Variants in FREM2 observed in about 807,000 individuals in gnomAD.
FREM2 encodes the protein FRAS1-related extracellular matrix protein 2.
In FREM2, 119 loss-of-function variants were observed where a neutral mutation model predicts 219.9. The ratio of observed to expected loss-of-function variants is 0.54; its 90% confidence interval spans 0.47 to 0.63. The LOEUF (loss-of-function observed/expected upper bound fraction) is 0.63, where lower values mean the gene tolerates loss of function less well. Ranked by LOEUF, FREM2 falls within the 30% of genes least tolerant of loss-of-function variation. The pLI, the probability that FREM2 is intolerant of heterozygous loss-of-function variation, is 0.00. For missense variants in FREM2, 4,030 were observed against 3,993.6 expected (o/e 1.01, Z -0.25); for synonymous variants, 1,562 against 1,522.8 (o/e 1.03, Z -0.60).
intron 6 of FREM2, among the ~76,000 whole-genome samples, chr13:38,809,703 A>C (rs903474181): frequency 6.6e-6 from 1 of 151,878 alleles, no homozygotes; most frequent in Non-Finnish European, 1.5e-5. Context: ...GATAGTACCA[A>C]GTTAGTACCA....
intron 4 of FREM2, among the ~76,000 whole-genome samples, chr13:38,776,578 A>G (rs1873876769): frequency 6.6e-6 from 1 of 152,206 alleles, no homozygotes; most frequent in Non-Finnish European, 1.5e-5. Flanking sequence ...ATATAGTCAC[A>G]TGGACTAATA....
intron 2 of FREM2, among the ~76,000 whole-genome samples, chr13:38,742,847 G>A (rs146648587): frequency 6.6e-6 from 1 of 152,262 alleles, no homozygotes; most frequent in African/African-American, 2.4e-5. Context: ...CAACATGTTT[G>A]AATTATTGCA....
At position 38,807,189 on chromosome 13, in the gene FREM2, T is replaced by TTATATATATATATA. The variant is rs59551341; in HGVS notation, c.6019+22407_6019+22420dup. Reference sequence around the variant, plus strand: ...CCTTTTTGCAGAGATCTTGTCTCTGTTATATATATATATATATATATATAT... The same window carrying TTATATATATATATA: ...CCTTTTTGCAGAGATCTTGTCTCTGTTATATATATATATATATATATATATATATATATATATAT... On this transcript the variant is annotated intron_variant, in intron 6 of 23. Transcript: ENST00000280481. Among the ~76,000 whole-genome samples the TTATATATATATATA allele has an allele frequency of 4.5e-3, 203 of 45,252 alleles. 2 individuals are homozygous for TTATATATATATATA. Among genetic ancestry groups the TTATATATATATATA allele is most frequent in the Middle Eastern group, 0.017 (1 of 58 alleles). The allele number at this position is 45,252 out of a possible 152,430, so 29.7% of individuals were successfully genotyped here. A position where few individuals can be genotyped will look rare whatever the true frequency, so the allele number is the denominator to read the frequency against.
chr13:38,808,809 CAA>C (rs1333284570), intron 6 of FREM2, among the ~76,000 whole-genome samples: 13 of 151,938 alleles, frequency 8.6e-5, no homozygotes, highest in African/African-American at 3.1e-4. Flanking sequence ...TGCAGAGAAA[CAA>C]AGTGAGAGCA....
At chr13:38,760,131 T>G (rs1873171088) in intron 2 of FREM2, among the ~76,000 whole-genome samples, 1 of 152,244 alleles carries the variant, frequency 6.6e-6, no homozygotes, top group African/African-American at 2.4e-5. Context: ...GCATATTTTC[T>G]AGTTAAGTAT....
chr13:38,848,071 C>G (rs963104985), intron 7 of FREM2, among the ~76,000 whole-genome samples: 1 of 152,140 alleles, frequency 6.6e-6, no homozygotes, highest in Non-Finnish European at 1.5e-5. Flanking sequence ...TTAATGTTAA[C>G]AAAATTTTAA....
chr13:38,837,911 C>A (rs1396737237), intron 6 of FREM2, among the ~76,000 whole-genome samples: 1 of 152,036 alleles, frequency 6.6e-6, no homozygotes, highest in Non-Finnish European at 1.5e-5. Flanking sequence ...GACTCTTTAT[C>A]CAATTTGCCA....
At position 38,691,180 on chromosome 13, in the gene FREM2, TTAAAC is replaced by T. The variant is rs1260051554; in HGVS notation, c.3840_3844del (p.Lys1280AsnfsTer19). ...GAGACCCAGGAAGACAGTTTTGTGA[TTAAAC>T]TAACAGATGGGAAGCACTCTGTGGA... On this transcript the variant is annotated frameshift_variant, in exon 1 of 24. Transcript: ENST00000280481. LOFTEE classifies it high-confidence loss of function. 1 of 1,613,862 alleles carries T rather than the reference TTAAAC, an allele frequency of 6.2e-7. No homozygotes were observed. Among genetic ancestry groups the T allele is most frequent in the Non-Finnish European group, 8.5e-7 (1 of 1,179,994 alleles).
chr13:38,700,604 A>C (rs985391599), intron 2 of FREM2, among the ~76,000 whole-genome samples: 3 of 150,600 alleles, frequency 2.0e-5, no homozygotes, highest in Non-Finnish European at 4.4e-5. Context: ...AGCAACAAAA[A>C]CAGCAAAAAA....
At chr13:38,734,409 A>G (rs1417829129) in intron 2 of FREM2, among the ~76,000 whole-genome samples, 1 of 152,208 alleles carries the variant, frequency 6.6e-6, no homozygotes, top group Non-Finnish European at 1.5e-5. Flanking sequence ...TACTTTATAT[A>G]TAACTAGTTA....
chr13:38,811,156 T>G (rs1875458772), intron 6 of FREM2, among the ~76,000 whole-genome samples: 1 of 152,072 alleles, frequency 6.6e-6, no homozygotes, highest in Non-Finnish European at 1.5e-5. Context: ...ATATTAGTTG[T>G]AATGCCTCCT....
intron 15 of FREM2, 122 bp from the exon 16 acceptor site, chr13:38,864,153 C>CA: frequency 1.3e-6 from 1 of 769,202 alleles, no homozygotes; most frequent in Non-Finnish European, 2.2e-6. Flanking sequence ...ATCTGTATGC[C>CA]ATACACCACT....
intron 2 of FREM2, among the ~76,000 whole-genome samples, chr13:38,698,244 A>G (rs1870197026): frequency 6.6e-6 from 1 of 152,176 alleles, no homozygotes; most frequent in South Asian, 2.1e-4. Context: ...TGTTGCATTC[A>G]CCAAGAAATC....
chr13:38,721,116 T>G (rs1405062159), intron 2 of FREM2, among the ~76,000 whole-genome samples: 1 of 151,994 alleles, frequency 6.6e-6, no homozygotes, highest in African/African-American at 2.4e-5. Context: ...AGTTTACATA[T>G]GTAACAAACC....
intron 3 of FREM2, among the ~76,000 whole-genome samples, chr13:38,768,596 A>G (rs1873535063): frequency 6.6e-6 from 1 of 152,080 alleles, no homozygotes; most frequent in Admixed American, 6.5e-5. Context: ...CAACTCTTTT[A>G]CATCTGTCTG....
intron 9 of FREM2, 51 bp from the exon 10 acceptor site, chr13:38,850,892 TG>T: frequency 1.9e-6 from 3 of 1,595,712 alleles, no homozygotes; most frequent in Non-Finnish European, 2.6e-6. Context: ...ACATTCTAGT[TG>T]TAGATATATT....
intron 2 of FREM2, among the ~76,000 whole-genome samples, chr13:38,724,320 G>T (rs1477682038): frequency 6.6e-6 from 1 of 152,062 alleles, no homozygotes; most frequent in African/African-American, 2.4e-5. Context: ...TACATTTTAA[G>T]GTAAAATATT....
At chr13:38,747,377 G>A (rs907020275) in intron 2 of FREM2, among the ~76,000 whole-genome samples, 2 of 145,744 alleles carry the variant, frequency 1.4e-5, no homozygotes, top group African/African-American at 2.6e-5. Context: ...TTTCTTGAGG[G>A]CATAAAGCTG....
In FREM2 at chr13:38,691,204, C is replaced by A. The variant is rs760412955; in HGVS notation, c.3860C>A (p.Ser1287Tyr). 3.7e-6 allele frequency: 6 copies of A among 1,613,852 alleles called. No homozygotes were observed. Among genetic ancestry groups the A allele is most frequent in the Non-Finnish European group, 5.1e-6 (6 of 1,179,986 alleles). ...FVIKLTDGKH[S>Y]VEKTVLIIVI... ...ATTAAACTAACAGATGGGAAGCACTCTGTGGAAAAGACGGTCCTCATTATA... is the reference window on the plus strand; with the variant it reads ...ATTAAACTAACAGATGGGAAGCACTATGTGGAAAAGACGGTCCTCATTATA... Residue 1287 changes from serine (S) to tyrosine (Y), a missense_variant, in exon 1 of 24, where the codon TCT becomes TAT. Coordinates refer to ENST00000280481, the MANE Select transcript of FREM2 (RefSeq NM_207361.6).
Sources: allele counts gnomAD v4.1 joint callset (sites outside exome capture counted in the v4.1 genomes callset), GRCh38; gene constraint gnomAD v4.1.1; transcripts MANE v1.5; gene names NCBI Gene and HGNC (gene_info 2026-07-23, HGNC 2026-07-21).